INTS8: variants seen among roughly 807,000 people sequenced by gnomAD.
The protein encoded by INTS8 is integrator complex subunit 8.
In INTS8, 47 loss-of-function variants were observed where a neutral mutation model predicts 138.9. That is an observed-to-expected ratio of 0.34 (90% CI 0.27 to 0.43). INTS8 has a LOEUF of 0.43. INTS8 is among the 20% of genes least tolerant of loss of function. INTS8 has a pLI of 1.00. For missense variants in INTS8, 996 were observed against 1,173.0 expected, an observed-to-expected ratio of 0.85 and a Z score of 2.20; for synonymous variants, 392 against 400.9, an observed-to-expected ratio of 0.98 and a Z score of 0.27.
intron 26 of INTS8, among the ~76,000 whole-genome samples, chr8:94,878,768 G>A (rs1389353220): frequency 3.3e-5 from 5 of 152,146 alleles, no homozygotes; most frequent in Non-Finnish European, 1.5e-5. Flanking sequence ...TTTCTCTCAA[G>A]AGCCACCAAA....
At chr8:94,869,442 C>T (rs1050687632) in intron 20 of INTS8, among the ~76,000 whole-genome samples, 16 of 152,160 alleles carry the variant, frequency 1.1e-4, no homozygotes, top group Middle Eastern at 6.8e-3. Context: ...TTACTACAGG[C>T]GTGTGCCACC....
In INTS8 at chr8:94,832,156, C is replaced by T. The variant is rs547031391; in HGVS notation, c.735C>T (p.Thr245=). 48 of 1,611,610 alleles carry T rather than the reference C, an allele frequency of 3.0e-5. No individual in the cohort carries two copies. The highest frequency in any genetic ancestry group is 5.4e-5 in the African/African-American group (4 of 74,754). ...CTACTGCTGGATTGAAAGTCAAAAC[C>T]GAAGAAATGCAGTGCCAGGTATTCA... The part of the protein sequence containing the change: ...ESSTAGLKVK[T]EEMQCQVCYD... The change falls in exon 6 of 27, where the codon ACC becomes ACT. Residue 245 remains threonine (T), a synonymous_variant. Transcript: ENST00000523731.
In INTS8 at chr8:94,880,413, T is replaced by A; in HGVS notation, c.*179T>A. On this transcript the variant is annotated 3_prime_UTR_variant, in exon 27 of 27. Coordinates refer to ENST00000523731, the MANE Select transcript of INTS8 (RefSeq NM_017864.4). Reference sequence around the variant, plus strand: ...TACAGAAGACTTCATACCGTAACAATAAATGTATAGTTTCTTCAAAGGGAG... The same window carrying A: ...TACAGAAGACTTCATACCGTAACAAAAAATGTATAGTTTCTTCAAAGGGAG... 2 of 396,396 alleles carry A rather than the reference T, an allele frequency of 5.0e-6. No homozygotes were observed. Among genetic ancestry groups the A allele is most frequent in the East Asian group, 4.0e-5 (1 of 24,722 alleles). 24.6% of individuals were successfully genotyped at this position (396,396 alleles called of 1,614,324 possible).
At chr8:94,871,669 A>C (rs753415444) in intron 20 of INTS8, among the ~76,000 whole-genome samples, 6 of 152,206 alleles carry the variant, frequency 3.9e-5, no homozygotes, top group Non-Finnish European at 8.8e-5. Context: ...AAGAGAACAA[A>C]AATCAGATTG....
At position 94,832,064 on chromosome 8, in the gene INTS8, C is replaced by A. The variant is rs1370919543; in HGVS notation, c.643C>A (p.His215Asn). Residue 215 changes from histidine to asparagine, a missense_variant, in exon 6 of 27, where the codon CAT (histidine) becomes AAT (asparagine). Transcript: ENST00000523731. Reference sequence around the variant, plus strand: ...AAAATTAAACAAGGATCTTTATGTCCATACGATGAGAACTCTAGATTTATT... The same window carrying A: ...AAAATTAAACAAGGATCTTTATGTCAATACGATGAGAACTCTAGATTTATT... ...ALKLNKDLYVHTMRTLDLLAM... is the reference protein window; with the variant it reads ...ALKLNKDLYVNTMRTLDLLAM... 1 of 1,613,350 alleles carries A rather than the reference C, an allele frequency of 6.2e-7. No homozygotes were observed. The highest frequency in any genetic ancestry group is 8.5e-7 in the Non-Finnish European group (1 of 1,179,698).
At chr8:94,855,058 A>G (rs1191939758) in intron 14 of INTS8, among the ~76,000 whole-genome samples, 1 of 152,118 alleles carries the variant, frequency 6.6e-6, no homozygotes, top group African/African-American at 2.4e-5. Context: ...AACTTGCTGG[A>G]AATAAAAATT....
In INTS8 at chr8:94,880,557, A is replaced by G. The variant is rs1010940069; in HGVS notation, c.*323A>G. On this transcript the variant is annotated 3_prime_UTR_variant, in exon 27 of 27. Coordinates refer to ENST00000523731, the MANE Select transcript of INTS8 (RefSeq NM_017864.4). ...TAAAATATTTAGAAATAGCTAGCCTATGTACAGCAAGTTTTCATGTCTTTT... is the reference window on the plus strand; with the variant it reads ...TAAAATATTTAGAAATAGCTAGCCTGTGTACAGCAAGTTTTCATGTCTTTT... 3 of 314,002 alleles carry G rather than the reference A, an allele frequency of 9.6e-6. No individual in the cohort carries two copies. The highest frequency in any genetic ancestry group is 2.1e-5 in the African/African-American group (1 of 47,016). The allele number at this position is 314,002 out of a possible 1,614,324, so 19.5% of individuals were successfully genotyped here.
chr8:94,825,437 A>G (rs533406093), intron 2 of INTS8, among the ~76,000 whole-genome samples: 2 of 151,014 alleles, frequency 1.3e-5, no homozygotes, highest in Non-Finnish European at 1.5e-5. Flanking sequence ...GAAAAAAAAA[A>G]AAAATAATAA....
rs188309633 is a variant in INTS8 at position 94,861,451 on chromosome 8, C to T, written c.2076+1819C>T. 8.8e-3 allele frequency among the ~76,000 whole-genome samples: 1,335 copies of T among 151,284 alleles called. 19 individuals are homozygous for T. Among genetic ancestry groups the T allele is most frequent in the African/African-American group, 0.03 (1,256 of 41,208 alleles). ...TAATTTTTTGTATTTTTAGTGGTGA[C>T]GGGGTTTCACCGTGTTAGCCAGGAT... On this transcript the variant is annotated intron_variant, in intron 16 of 26. Transcript: ENST00000523731.
chr8:94,855,823 C>G (rs893110351), intron 14 of INTS8, among the ~76,000 whole-genome samples: 1 of 152,190 alleles, frequency 6.6e-6, no homozygotes, highest in Admixed American at 6.5e-5. Flanking sequence ...CTCAGACTTC[C>G]GGTTCGAGAG....
chr8:94,856,426 A>G lies in INTS8; in HGVS notation c.1753-351A>G, dbSNP rs193259730. On this transcript the variant is annotated intron_variant, in intron 14 of 26. Coordinates refer to ENST00000523731, the MANE Select transcript of INTS8 (RefSeq NM_017864.4). Reference sequence around the variant, plus strand: ...AGATTTTGGAATGTGTAACCCTTGAATGGTGTAAGGTCTAATTCTGAATAT... The same window carrying G: ...AGATTTTGGAATGTGTAACCCTTGAGTGGTGTAAGGTCTAATTCTGAATAT... Among the ~76,000 whole-genome samples the G allele has an allele frequency of 3.3e-5, 5 of 152,324 alleles. No homozygotes were observed. In the East Asian group the frequency reaches 9.6e-4, roughly 29 times the overall value.
At chr8:94,879,243 G>A (rs1366511616) in intron 26 of INTS8, among the ~76,000 whole-genome samples, 1 of 152,118 alleles carries the variant, frequency 6.6e-6, no homozygotes, top group Non-Finnish European at 1.5e-5. Context: ...CATACCTGAC[G>A]ATCATATCTG....
At chr8:94,875,957 A>G in intron 23 of INTS8, 117 bp from the exon 24 acceptor site, 1 of 733,242 alleles carries the variant, frequency 1.4e-6, no homozygotes, top group South Asian at 1.6e-5. Flanking sequence ...GATGGAATCC[A>G]TAACTATGAG....
In INTS8 at chr8:94,841,583, T is replaced by C; in HGVS notation, c.1110T>C (p.Ala370=). 6.5e-7 allele frequency: 1 copy of C among 1,549,360 alleles called. No homozygotes were observed. Among genetic ancestry groups the C allele is most frequent in the Non-Finnish European group, 8.8e-7 (1 of 1,131,432 alleles). Reference sequence around the variant, plus strand: ...TCCTAAGAGAACTCTTTAAGAAAGCTCAACAGGGGTAAGTAAGTTGAAAAA... The same window carrying C: ...TCCTAAGAGAACTCTTTAAGAAAGCCCAACAGGGGTAAGTAAGTTGAAAAA... ...QSVLRELFKK[A]QQGNEALDEI... The change falls in exon 9 of 27, where the codon GCT becomes GCC. Residue 370 remains alanine (A), a synonymous_variant. Transcript: ENST00000523731.
intron 8 of INTS8, among the ~76,000 whole-genome samples, chr8:94,839,926 C>A (rs1815071207): frequency 1.3e-5 from 2 of 152,082 alleles, no homozygotes; most frequent in Non-Finnish European, 2.9e-5. Flanking sequence ...AACAAAAAAA[C>A]CTCTCTGGAG....
At chr8:94,849,851 TATG>T in intron 11 of INTS8, 62 bp from the exon 12 acceptor site, 1 of 1,191,574 alleles carries the variant, frequency 8.4e-7, no homozygotes, top group Non-Finnish European at 1.2e-6. Context: ...AATTGGTTGA[TATG>T]ATTGTTTTTC....
chr8:94,873,537 C>T (rs559211840), intron 22 of INTS8, 60 bp downstream of exon 22: 33 of 1,078,162 alleles, frequency 3.1e-5, no homozygotes, highest in Non-Finnish European at 4.7e-5. Context: ...CTTCCTGGGT[C>T]CCCTTTTGGC....
chr8:94,868,137 G>A (rs1816250965), intron 20 of INTS8, among the ~76,000 whole-genome samples: 1 of 152,160 alleles, frequency 6.6e-6, no homozygotes, highest in Admixed American at 6.5e-5. Flanking sequence ...GAGAATCACA[G>A]TAAGATGATG....
At chr8:94,838,440 G>T in intron 7 of INTS8, 23 bp from the exon 8 acceptor site, 1 of 1,577,576 alleles carries the variant, frequency 6.3e-7, no homozygotes, top group South Asian at 1.1e-5. Flanking sequence ...AATGGATAAT[G>T]GTGTATACCT....
Sources: allele counts gnomAD v4.1 joint callset (sites outside exome capture counted in the v4.1 genomes callset), GRCh38; gene constraint gnomAD v4.1.1; transcripts MANE v1.5; gene names NCBI Gene and HGNC (gene_info 2026-07-23, HGNC 2026-07-21).